CES5A: variants seen among roughly 807,000 people sequenced by gnomAD.
The protein encoded by CES5A is carboxylesterase 5.
In CES5A, 67 loss-of-function variants were observed where a neutral mutation model predicts 62.9. The ratio of observed to expected loss-of-function variants is 1.07; its 90% CI spans 0.88 to 1.31. CES5A has a LOEUF of 1.31. Among genes scored for constraint, CES5A ranks in the 50% most tolerant of loss-of-function variants. The pLI, the probability that CES5A is intolerant of heterozygous loss-of-function variation, is 0.00. For synonymous variants in CES5A, 296 were observed against 280.8 expected (o/e 1.05, Z -0.54); for missense variants, 748 against 708.5 (o/e 1.06, Z -0.63).
At chr16:55,894,410 AG>A (rs1456545167) in intron 1 of CES5A, among the ~76,000 whole-genome samples, 5 of 147,472 alleles carry the variant, frequency 3.4e-5, no homozygotes, top group African/African-American at 1.0e-4. Context: ...TGGGAGGCTG[AG>A]GCATGAGAAT....
At chr16:55,933,132 A>T (rs1477656879) in intron 2 of CES5A, among the ~76,000 whole-genome samples, 1 of 152,226 alleles carries the variant, frequency 6.6e-6, no homozygotes, top group Non-Finnish European at 1.5e-5. Flanking sequence ...TTCAAGGCCT[A>T]TCAGGGAAAG....
At chr16:55,900,798 T>C (rs1217511705) in intron 1 of CES5A, among the ~76,000 whole-genome samples, 1 of 152,204 alleles carries the variant, frequency 6.6e-6, no homozygotes, top group African/African-American at 2.4e-5. Flanking sequence ...TTCAACTCAC[T>C]CACACTCCTT....
At chr16:55,852,828 G>C in intron 10 of CES5A, 53 bp downstream of exon 10, 1 of 1,569,566 alleles carries the variant, frequency 6.4e-7, no homozygotes, top group East Asian at 2.3e-5. Context: ...GGATTTCCGT[G>C]GCCACCAGCC....
At chr16:55,868,634 C>T (rs2033516147) in intron 4 of CES5A, among the ~76,000 whole-genome samples, 2 of 152,156 alleles carry the variant, frequency 1.3e-5, no homozygotes, top group African/African-American at 4.8e-5. Flanking sequence ...TAGTCAGGAG[C>T]CTCTGTAAGG....
intron 1 of CES5A, among the ~76,000 whole-genome samples, chr16:55,898,125 C>T (rs900820127): frequency 1.6e-4 from 25 of 152,178 alleles, no homozygotes; most frequent in African/African-American, 6.0e-4. Context: ...TGTCATGTGG[C>T]TACAAGAGTA....
intron 7 of CES5A, 126 bp from the exon 8 acceptor site, chr16:55,859,813 A>T: frequency 1.3e-6 from 1 of 791,170 alleles, no homozygotes; most frequent in Non-Finnish European, 2.0e-6. Context: ...GCACTTAAAA[A>T]GTAAAAACAA....
At chr16:55,939,921 T>C (rs193050487) in intron 2 of CES5A, among the ~76,000 whole-genome samples, 1 of 152,014 alleles carries the variant, frequency 6.6e-6, no homozygotes, top group East Asian at 1.9e-4. Flanking sequence ...TTCTAAATAA[T>C]TCATAGGTCA....
chr16:55,912,649 A>T (rs1345265557), intron 1 of CES5A, among the ~76,000 whole-genome samples: 1 of 152,092 alleles, frequency 6.6e-6, no homozygotes, highest in Non-Finnish European at 1.5e-5. Context: ...GACCAGGAGG[A>T]GGGAGAAGAA....
At chr16:55,855,938 C>A (rs564359556) in intron 9 of CES5A, among the ~76,000 whole-genome samples, 390 of 152,208 alleles carry the variant, frequency 2.6e-3, no homozygotes, top group South Asian at 0.025. Context: ...GAATGGTTAG[C>A]ACCACCCCTT....
At chr16:55,874,094 C>T (rs970745506) in intron 1 of CES5A, 57 bp from the exon 2 acceptor site, 2 of 1,487,518 alleles carry the variant, frequency 1.3e-6, no homozygotes, top group South Asian at 1.2e-5. Flanking sequence ...GGGCAATGGC[C>T]CACCCAGTCT....
intron 4 of CES5A, 68 bp from the exon 5 acceptor site, chr16:55,866,184 C>T (rs2033457176): frequency 1.3e-6 from 2 of 1,506,670 alleles, no homozygotes; most frequent in South Asian, 2.5e-5. Flanking sequence ...CCTGGAAGTT[C>T]TCAGCAGAGG....
intron 1 of CES5A, among the ~76,000 whole-genome samples, chr16:55,915,169 C>T (rs1207333214): frequency 3.9e-5 from 6 of 152,080 alleles, no homozygotes; most frequent in African/African-American, 1.2e-4. Flanking sequence ...CACCAGGTAC[C>T]GGGAGAGCAT....
At chr16:55,874,159 T>C in intron 1 of CES5A, 122 bp from the exon 2 acceptor site, 1 of 845,016 alleles carries the variant, frequency 1.2e-6, no homozygotes, top group Non-Finnish European at 1.8e-6. Flanking sequence ...CAGCTGGTGG[T>C]ATCCAGGTTC....
chr16:55,909,299 C>G (rs2034069242), intron 1 of CES5A, among the ~76,000 whole-genome samples: 1 of 152,166 alleles, frequency 6.6e-6, no homozygotes, highest in Admixed American at 6.5e-5. Context: ...CACCCTCTTT[C>G]CCACTGAAAT....
At chr16:55,907,702 G>GC (rs1794302274) in intron 1 of CES5A, among the ~76,000 whole-genome samples, 2 of 152,102 alleles carry the variant, frequency 1.3e-5, no homozygotes, top group Admixed American at 6.5e-5. Context: ...TCTCAGGTGA[G>GC]CCCCCCACAG....
intron 2 of CES5A, among the ~76,000 whole-genome samples, chr16:55,945,253 A>C (rs1170744982): frequency 6.6e-6 from 1 of 152,164 alleles, no homozygotes; most frequent in Non-Finnish European, 1.5e-5. Context: ...TTTATTGAGC[A>C]CCTATTAGGG....
At chr16:55,874,764 C>G (rs2033663409) in intron 1 of CES5A, among the ~76,000 whole-genome samples, 1 of 152,162 alleles carries the variant, frequency 6.6e-6, no homozygotes. Context: ...AACTGCCCAG[C>G]TACTTACTTA....
intron 2 of CES5A, among the ~76,000 whole-genome samples, chr16:55,934,651 G>T (rs2034349515): frequency 7.1e-6 from 1 of 140,816 alleles, no homozygotes; most frequent in South Asian, 2.2e-4. Flanking sequence ...CCAAGAAATT[G>T]TGTGGGGTGT....
chr16:55,896,761 A>G (rs2033938562), intron 1 of CES5A, among the ~76,000 whole-genome samples: 2 of 152,180 alleles, frequency 1.3e-5, no homozygotes. Context: ...GGGTACATCC[A>G]TTATCTCATT....
Sources: gnomAD v4.1 joint callset for allele counts (sites outside exome capture counted in the v4.1 genomes callset) on GRCh38, gnomAD v4.1.1 for gene constraint, MANE v1.5 for transcripts, NCBI Gene and HGNC (gene_info 2026-07-23, HGNC 2026-07-21) for gene names.